Variants in GRID1 observed in about 807,000 individuals in gnomAD.
The protein encoded by GRID1 is glutamate receptor ionotropic, delta-1.
GRID1 carries 28 observed loss-of-function variants against 98.0 expected under a neutral mutation model. That is an observed-to-expected ratio of 0.29 (90% CI 0.21 to 0.39). GRID1 has a LOEUF of 0.39. Among genes scored for constraint, GRID1 ranks in the 10% least tolerant of loss-of-function variants. The probability of loss-of-function intolerance (pLI) is 1.00; values close to 1 mark genes in which losing one functional copy is unlikely to be tolerated. For missense variants in GRID1, 1,111 were observed against 1,340.5 expected (o/e 0.83, Z 2.67); for synonymous variants, 553 against 538.5 (o/e 1.03, Z -0.37).
chr10:85,904,944 AT>A (rs1281861076), intron 5 of GRID1, among the ~76,000 whole-genome samples: 1 of 152,020 alleles, frequency 6.6e-6, no homozygotes, highest in Admixed American at 6.6e-5. Flanking sequence ...AATATAAAAG[AT>A]TTTTTTCACA....
chr10:86,257,194 C>T (rs1846934018), intron 2 of GRID1, among the ~76,000 whole-genome samples: 1 of 152,212 alleles, frequency 6.6e-6, no homozygotes. Context: ...TTCACACAGT[C>T]CTCTCTGAGG....
intron 2 of GRID1, among the ~76,000 whole-genome samples, chr10:86,222,870 G>T (rs534796385): frequency 2.6e-5 from 4 of 152,282 alleles, no homozygotes; most frequent in Admixed American, 2.6e-4. Context: ...GCCACAGTCA[G>T]GCAAGGGCTA....
intron 8 of GRID1, among the ~76,000 whole-genome samples, chr10:85,812,775 C>A (rs1257237269): frequency 1.3e-5 from 2 of 151,540 alleles, no homozygotes; most frequent in Non-Finnish European, 2.9e-5. Flanking sequence ...CTCTCTCTTT[C>A]ACTACATATT....
chr10:85,636,622 C>T (rs1249934836), intron 13 of GRID1, among the ~76,000 whole-genome samples: 1 of 151,970 alleles, frequency 6.6e-6, no homozygotes, highest in Non-Finnish European at 1.5e-5. Flanking sequence ...TACACAAATA[C>T]CTATGTACAA....
At chr10:86,089,582 A>G (rs1271812947) in intron 4 of GRID1, among the ~76,000 whole-genome samples, 1 of 152,214 alleles carries the variant, frequency 6.6e-6, no homozygotes, top group East Asian at 1.9e-4. Context: ...CAATCAATAG[A>G]TTCCAGCGCT....
At chr10:86,005,364 A>C (rs1406579986) in intron 4 of GRID1, among the ~76,000 whole-genome samples, 2 of 151,676 alleles carry the variant, frequency 1.3e-5, no homozygotes, top group Non-Finnish European at 2.9e-5. Flanking sequence ...AAAAAAAGGC[A>C]AAACTCTTTG....
At chr10:86,039,312 CT>C (rs1295508823) in intron 4 of GRID1, among the ~76,000 whole-genome samples, 3 of 152,182 alleles carry the variant, frequency 2.0e-5, no homozygotes, top group Non-Finnish European at 2.9e-5. Context: ...AATAGTTCCA[CT>C]TAAAATTCCC....
chr10:86,236,299 A>G (rs1846536036), intron 2 of GRID1, among the ~76,000 whole-genome samples: 1 of 152,236 alleles, frequency 6.6e-6, no homozygotes, highest in Non-Finnish European at 1.5e-5. Context: ...ATTATAAAAT[A>G]TGTGATTTGC....
Position 85,775,480 on chromosome 10 carries a change from TAATAA to T in GRID1, c.1234-45871_1234-45867del, listed in dbSNP as rs202197042. On this transcript the variant is annotated intron_variant, in intron 8 of 15. Transcript: ENST00000327946. ...ACCCTAAAATCTTAAAGTATAATAATAATAAAATAAAATTTAAAAAAAAGATGGCA... is the reference window on the plus strand; with the variant it reads ...ACCCTAAAATCTTAAAGTATAATAATAATAAAATTTAAAAAAAAGATGGCA... Among the ~76,000 whole-genome samples the T allele has an allele frequency of 4.9e-3, 750 of 151,842 alleles. 4 individuals carry two copies. The highest frequency in any genetic ancestry group is 0.017 in the African/African-American group (704 of 41,404).
At position 86,206,284 on chromosome 10, in the gene GRID1, G is replaced by T; in HGVS notation, c.520+80C>A. On this transcript the variant is annotated intron_variant, in intron 3 of 15. Transcript: ENST00000327946. The surrounding 1 kb of genome is among the most constrained non-coding windows in gnomAD (Gnocchi z 4.1). Reference sequence around the variant, plus strand: ...ACAGACCACCCCTGACCGGTCCAGGGCCCCACCCACTCTCAGGTCTCCCAG... The same window carrying T: ...ACAGACCACCCCTGACCGGTCCAGGTCCCCACCCACTCTCAGGTCTCCCAG... 7.1e-7 allele frequency: 1 copy of T among 1,411,094 alleles called. No individual in the cohort carries two copies. The highest frequency in any genetic ancestry group is 9.7e-7 in the Non-Finnish European group (1 of 1,032,030). 87.4% of individuals were successfully genotyped at this position (1,411,094 alleles called of 1,614,324 possible). A position where few individuals can be genotyped will look rare whatever the true frequency, so the allele number is the denominator to read the frequency against.
chr10:86,266,502 G>A (rs900164726), intron 2 of GRID1, among the ~76,000 whole-genome samples: 3 of 152,282 alleles, frequency 2.0e-5, no homozygotes, highest in Non-Finnish European at 4.4e-5. Flanking sequence ...AATCTGGTTC[G>A]AGGCTTCCTG....
At chr10:86,279,545 A>G (rs1300489009) in intron 2 of GRID1, among the ~76,000 whole-genome samples, 2 of 152,222 alleles carry the variant, frequency 1.3e-5, no homozygotes, top group African/African-American at 4.8e-5. Flanking sequence ...GCATTTGACT[A>G]TTCCGAAATC....
chr10:85,811,443 G>A (rs540431327), intron 8 of GRID1, among the ~76,000 whole-genome samples: 2 of 152,090 alleles, frequency 1.3e-5, no homozygotes, highest in South Asian at 2.1e-4. Context: ...ATAAATAAAC[G>A]ATTCAATTAA....
At chr10:85,952,551 C>T (rs982287088) in intron 4 of GRID1, among the ~76,000 whole-genome samples, 1 of 152,212 alleles carries the variant, frequency 6.6e-6, no homozygotes, top group East Asian at 1.9e-4. Flanking sequence ...TGCAACAAAC[C>T]CATTTTTTAA....
intron 2 of GRID1, among the ~76,000 whole-genome samples, chr10:86,327,363 C>T (rs1405451131): frequency 2.0e-5 from 3 of 152,164 alleles, no homozygotes; most frequent in Non-Finnish European, 4.4e-5. Context: ...GCAGACTTTA[C>T]TCTGCCCACT....
intron 12 of GRID1, among the ~76,000 whole-genome samples, chr10:85,722,562 T>C (rs1366204982): frequency 6.6e-6 from 1 of 152,186 alleles, no homozygotes; most frequent in Non-Finnish European, 1.5e-5. Context: ...TAAATGTGCA[T>C]GAAATATGTT....
chr10:86,181,128 G>A (rs1845649345), intron 3 of GRID1, among the ~76,000 whole-genome samples: 2 of 152,006 alleles, frequency 1.3e-5, no homozygotes, highest in Admixed American at 1.3e-4. Flanking sequence ...CCCAGTACAG[G>A]TGCCAGGAGC....
At chr10:85,820,854 G>A (rs1842763621) in intron 8 of GRID1, among the ~76,000 whole-genome samples, 1 of 152,088 alleles carries the variant, frequency 6.6e-6, no homozygotes, top group Admixed American at 6.5e-5. Flanking sequence ...AAAACAGCAT[G>A]GACGTTTCTT....
At chr10:85,877,453 ACTGTTCTACAGCCACCG>A (rs1397108155) in intron 5 of GRID1, among the ~76,000 whole-genome samples, 2 of 151,934 alleles carry the variant, frequency 1.3e-5, no homozygotes, top group Admixed American at 1.3e-4. Context: ...ACCAAAATCC[ACTGTTCTACAGCCACCG>A]CTGTTCTGCA....
Sources: gnomAD v4.1 joint callset for allele counts (sites outside exome capture counted in the v4.1 genomes callset) on GRCh38, gnomAD v4.1.1 for gene constraint, Gnocchi (gnomAD v3.1) non-coding constraint, MANE v1.5 for transcripts, NCBI Gene and HGNC (gene_info 2026-07-23, HGNC 2026-07-21) for gene names.